CLMP: variants seen among roughly 807,000 people sequenced by gnomAD.
The protein encoded by CLMP is CXADR-like membrane protein.
CLMP carries 27 observed loss-of-function variants against 45.2 expected under a neutral mutation model. The observed-to-expected ratio is 0.60, with a 90% confidence interval of 0.44 to 0.82. The LOEUF is 0.82. CLMP is among the 40% of genes least tolerant of loss of function. The pLI is 0.00. For synonymous variants in CLMP, 167 were observed against 171.4 expected (o/e 0.97, Z 0.20); for missense variants, 403 against 448.4 (o/e 0.90, Z 0.91).
At chr11:123,084,465 T>C (rs1355905297) in intron 3 of CLMP, 47 bp downstream of exon 3, 1 of 1,495,466 alleles carries the variant, frequency 6.7e-7, no homozygotes. Flanking sequence ...CCCTCTTAGA[T>C]ACCTTAGAAA....
At chr11:123,137,275 T>A (rs1199372024) in intron 1 of CLMP, among the ~76,000 whole-genome samples, 1 of 146,318 alleles carries the variant, frequency 6.8e-6, no homozygotes, top group South Asian at 2.3e-4. Flanking sequence ...TGCCTCAGCC[T>A]CCCGAGTAGC....
chr11:123,193,692 T>G (rs554369649), intron 1 of CLMP, among the ~76,000 whole-genome samples: 1 of 152,326 alleles, frequency 6.6e-6, no homozygotes, highest in East Asian at 1.9e-4. Flanking sequence ...CAGAGAACTC[T>G]AACCACGTAT....
chr11:123,129,079 T>C (rs1860942821), intron 1 of CLMP, among the ~76,000 whole-genome samples: 1 of 152,098 alleles, frequency 6.6e-6, no homozygotes, highest in Admixed American at 6.6e-5. Context: ...TCCCAGCACT[T>C]TGGGAGGTCG....
At chr11:123,077,032 C>T (rs1232051844) in intron 5 of CLMP, among the ~76,000 whole-genome samples, 2 of 112,698 alleles carry the variant, frequency 1.8e-5, no homozygotes. Context: ...GAGTTTCGCT[C>T]TTGTTGCCCA....
At chr11:123,158,245 A>G (rs923377181) in intron 1 of CLMP, among the ~76,000 whole-genome samples, 1 of 152,212 alleles carries the variant, frequency 6.6e-6, no homozygotes, top group African/African-American at 2.4e-5. Context: ...TTCCAATTAT[A>G]GTCTGCCATC....
chr11:123,081,030 C>CA (rs1264899270), intron 5 of CLMP, among the ~76,000 whole-genome samples: 1 of 151,912 alleles, frequency 6.6e-6, no homozygotes, highest in African/African-American at 2.4e-5. Flanking sequence ...CCTGTAGTCC[C>CA]AGCTACTCGC....
chr11:123,150,480 A>AAAGGAAGAAAGGAAGG (rs1861308107), intron 1 of CLMP, among the ~76,000 whole-genome samples: 3 of 40,960 alleles, frequency 7.3e-5, no homozygotes, highest in Non-Finnish European at 1.4e-4. Flanking sequence ...AGAAAGAAAG[A>AAAGGAAGAAAGGAAGG]AAGGAAGGAA....
rs1402582572 is a variant in CLMP at position 123,072,457 on chromosome 11, G to A, written c.*1017C>T. 1 of 152,074 alleles carries A rather than the reference G, an allele frequency of 6.6e-6. No homozygotes were observed. Among genetic ancestry groups the A allele is most frequent in the Non-Finnish European group, 1.5e-5 (1 of 68,010 alleles). The allele number at this position is 152,074 out of a possible 1,614,324, so 9.4% of individuals were successfully genotyped here. On this transcript the variant is annotated 3_prime_UTR_variant, in exon 7 of 7. Transcript: ENST00000448775. ...CCGGCTACCTTCCTTGACATATTAA[G>A]AGAAAACTGATCTAATCTCCCTTTC... is the stretch of plus-strand genomic sequence containing the variant.
intron 1 of CLMP, among the ~76,000 whole-genome samples, chr11:123,148,736 C>T (rs1861272144): frequency 6.6e-6 from 1 of 152,194 alleles, no homozygotes; most frequent in South Asian, 2.1e-4. Context: ...TCATCTGTAC[C>T]TGCCTAACAT....
Position 123,075,380 on chromosome 11 carries a change from T to TTTTGTTTG in CLMP, c.680-545_680-538dup, listed in dbSNP as rs149732146. Among the ~76,000 whole-genome samples, 30 of 151,752 alleles carry TTTTGTTTG rather than the reference T, an allele frequency of 2.0e-4. No homozygotes were observed. The South Asian group carries it at 4.6e-3, about 23-fold the overall frequency. ...GACTTCGCCAGCAAGTGGCCAGGGT[T>TTTTGTTTG]TTTGTTTGTTTGTTTGTTTGTTTTG... On this transcript the variant is annotated intron_variant, in intron 5 of 6. Transcript: ENST00000448775.
rs144541663 is a variant in CLMP at position 123,150,624 on chromosome 11, A to G, written c.28+44289T>C. Among the ~76,000 whole-genome samples, 162 of 148,634 alleles carry G rather than the reference A, an allele frequency of 1.1e-3. 3 individuals carry two copies. Among genetic ancestry groups the G allele is most frequent in the African/African-American group, 3.7e-3 (149 of 39,908 alleles). On this transcript the variant is annotated intron_variant, in intron 1 of 6. Coordinates refer to ENST00000448775, the MANE Select transcript of CLMP (RefSeq NM_024769.5). ...AAGGAATGAAGGAAGGAAGGAAGGA[A>G]AGGAAGGAAGGAAGGAAGGTAGGTG...
intron 1 of CLMP, among the ~76,000 whole-genome samples, chr11:123,145,476 T>G (rs1861225171): frequency 9.6e-6 from 1 of 104,242 alleles, no homozygotes; most frequent in Middle Eastern, 4.6e-3. Flanking sequence ...TTTTTTTTTT[T>G]TTTGAGACGG....
rs537305695 is a variant in CLMP at position 123,116,392 on chromosome 11, C to A, written c.29-18440G>T. Among the ~76,000 whole-genome samples, 9 of 151,934 alleles carry A rather than the reference C, an allele frequency of 5.9e-5. No homozygotes were observed. In the South Asian group the frequency reaches 1.0e-3, roughly 18 times the overall value. ...GAGCAGCCTGGCCAACATGATGAAACCCTGTGTATACTAAAAGTACAAAAA... is the reference window on the plus strand; with the variant it reads ...GAGCAGCCTGGCCAACATGATGAAAACCTGTGTATACTAAAAGTACAAAAA... On this transcript the variant is annotated intron_variant, in intron 1 of 6. Transcript: ENST00000448775.
Position 123,069,972 on chromosome 11 carries a change from T to G in CLMP, c.*3502A>C, listed in dbSNP as rs1266071834. ...AACACAGTCCCAATTACAAGGCAAC[T>G]TAGAAGTTAAAACTGAAACTGAAAT... On this transcript the variant is annotated 3_prime_UTR_variant, in exon 7 of 7. Transcript: ENST00000448775. The G allele has an allele frequency of 6.6e-6, 1 of 152,202 alleles. No individual in the cohort carries two copies. The highest frequency in any genetic ancestry group is 1.5e-5 in the Non-Finnish European group (1 of 68,028). 9.4% of individuals were successfully genotyped at this position (152,202 alleles called of 1,614,324 possible).
intron 1 of CLMP, among the ~76,000 whole-genome samples, chr11:123,143,387 G>C (rs1409309498): frequency 6.6e-6 from 1 of 152,154 alleles, no homozygotes; most frequent in Non-Finnish European, 1.5e-5. Flanking sequence ...TCAACCAATA[G>C]AATATGGCCA....
At chr11:123,094,756 G>A (rs372526164) in intron 2 of CLMP, among the ~76,000 whole-genome samples, 1 of 151,984 alleles carries the variant, frequency 6.6e-6, no homozygotes, top group East Asian at 1.9e-4. Context: ...ATATTTATTG[G>A]TTTCTTTGTT....
At chr11:123,081,869 AAAAAAAAAG>A (rs1865807908) in intron 5 of CLMP, among the ~76,000 whole-genome samples, 1 of 152,036 alleles carries the variant, frequency 6.6e-6, no homozygotes, top group Non-Finnish European at 1.5e-5. Flanking sequence ...CCAGAAAAAA[AAAAAAAAAG>A]GAAAAAAAGA....
At chr11:123,109,059 CAAA>C (rs776811883) in intron 1 of CLMP, among the ~76,000 whole-genome samples, 2 of 64,260 alleles carry the variant, frequency 3.1e-5, no homozygotes, top group Non-Finnish European at 6.1e-5. Context: ...AACTCTGTCT[CAAA>C]AAAAAAAAAA....
At chr11:123,077,314 T>C (rs1865752931) in intron 5 of CLMP, among the ~76,000 whole-genome samples, 1 of 151,604 alleles carries the variant, frequency 6.6e-6, no homozygotes, top group Non-Finnish European at 1.5e-5. Flanking sequence ...TTTATTCTTA[T>C]AAAAACAAAA....
Sources: gnomAD v4.1 joint callset for allele counts (sites outside exome capture counted in the v4.1 genomes callset) on GRCh38, gnomAD v4.1.1 for gene constraint, MANE v1.5 for transcripts, NCBI Gene and HGNC (gene_info 2026-07-23, HGNC 2026-07-21) for gene names.